WIPF1: variants seen among roughly 807,000 people sequenced by gnomAD.
The protein encoded by WIPF1 is WAS/WASL-interacting protein family member 1.
Under a neutral mutation model 35.4 loss-of-function variants are expected in WIPF1, and 13 were observed. The observed-to-expected ratio is 0.37, with a 90% CI of 0.24 to 0.58. The LOEUF (loss-of-function observed/expected upper bound fraction) is 0.58. Among genes scored for constraint, WIPF1 ranks in the 20% least tolerant of loss-of-function variants. WIPF1 has a pLI of 0.74. For synonymous variants in WIPF1, 267 were observed against 266.3 expected, an observed-to-expected ratio of 1.00 and a Z score of -0.02; for missense variants, 591 against 667.0, an observed-to-expected ratio of 0.89 and a Z score of 1.25.
chr2:174,610,485 G>T lies in WIPF1; in HGVS notation c.-38-24874C>A, dbSNP rs73026166. ...GGAATAACAAACCACAAAAATTTGGGGTATAAAAACCACATGTGGTTTATG... is the reference window on the plus strand; with the variant it reads ...GGAATAACAAACCACAAAAATTTGGTGTATAAAAACCACATGTGGTTTATG... On this transcript the variant is annotated intron_variant, in intron 1 of 8. Transcript: ENST00000272746. Among the ~76,000 whole-genome samples the T allele has an allele frequency of 7.1e-3, 1,085 of 151,952 alleles. 28 individuals carry two copies. Among genetic ancestry groups the T allele is most frequent in the African/African-American group, 0.025 (1,032 of 41,394 alleles).
upstream of WIPF1, among the ~76,000 whole-genome samples, chr2:174,600,042 T>C (rs1469441471): frequency 2.0e-5 from 3 of 152,214 alleles, no homozygotes; most frequent in African/African-American, 4.8e-5. Flanking sequence ...CAGTTCACTT[T>C]AGGATTCTTG....
chr2:174,585,261 C>T (rs538570565), intron 2 of WIPF1, among the ~76,000 whole-genome samples: 1 of 152,172 alleles, frequency 6.6e-6, no homozygotes, highest in Non-Finnish European at 1.5e-5. Context: ...CATGTCCCTG[C>T]GCAGATGCGG....
At position 174,581,514 on chromosome 2, in the gene WIPF1, G is replaced by T. The variant is rs529859749; in HGVS notation, c.52-75C>A. ...GCATTGTAACACTCGGCTGGGAAAGGTTGGGTACGGGAAGCTTGTTGTTAA... is the reference window on the plus strand; with the variant it reads ...GCATTGTAACACTCGGCTGGGAAAGTTTGGGTACGGGAAGCTTGTTGTTAA... On this transcript the variant is annotated intron_variant, in intron 2 of 7. Transcript: ENST00000679041. The T allele has an allele frequency of 7.0e-5, 110 of 1,566,272 alleles. 2 individuals are homozygous for T. The highest frequency in any genetic ancestry group is 4.7e-4 in the South Asian group (40 of 84,650).
intron 1 of WIPF1, among the ~76,000 whole-genome samples, chr2:174,641,171 T>G (rs1687285954): frequency 6.6e-6 from 1 of 152,188 alleles, no homozygotes; most frequent in South Asian, 2.1e-4. Flanking sequence ...CAATAAATGG[T>G]GCTGGGAACA....
intron 4 of WIPF1, among the ~76,000 whole-genome samples, chr2:174,573,891 CTTTT>C (rs564081857): frequency 3.6e-5 from 5 of 138,878 alleles, no homozygotes; most frequent in Non-Finnish European, 3.2e-5. Context: ...CTTTCTTCTT[CTTTT>C]TTTTTTTTTT....
At chr2:174,612,578 G>GTT (rs71024820) in intron 1 of WIPF1, among the ~76,000 whole-genome samples, 47,821 of 149,810 alleles carry the variant, frequency 0.32, 7,973 homozygotes, top group Middle Eastern at 0.42. Flanking sequence ...GACATGAACA[G>GTT]TTTTTTTTTA....
chr2:174,581,279 T>C (rs1179280808), intron 3 of WIPF1, 31 bp downstream of exon 3: 1 of 1,612,266 alleles, frequency 6.2e-7, no homozygotes, highest in Non-Finnish European at 8.5e-7. Context: ...AAACTGTTCC[T>C]CTCCATGGTA....
rs1250815517 is a variant in WIPF1 at position 174,594,742 on chromosome 2, A to G, written c.-39+2859T>C. ...ATACACACACAGCATATATGTCAGC[A>G]CACTTGATATATACTGTATTCATTT... On this transcript the variant is annotated intron_variant, in intron 1 of 7. Coordinates refer to ENST00000679041, the MANE Select transcript of WIPF1 (RefSeq NM_001375834.1). Among the ~76,000 whole-genome samples the G allele has an allele frequency of 2.1e-5, 2 of 95,586 alleles. 1 individual carries two copies. The highest frequency in any genetic ancestry group is 5.0e-5 in the Non-Finnish European group (2 of 39,786). The allele number at this position is 95,586 out of a possible 152,430, so 62.7% of individuals were successfully genotyped here. A position where few individuals can be genotyped will look rare whatever the true frequency, so the allele number is the denominator to read the frequency against.
Position 174,575,304 on chromosome 2 carries a change from G to A in WIPF1, c.258C>T (p.Gly86=), listed in dbSNP as rs781522403. The A allele has an allele frequency of 2.0e-5, 33 of 1,613,022 alleles. No homozygotes were observed. The highest frequency in any genetic ancestry group is 3.3e-5 in the Admixed American group (2 of 59,904). ...CCCCTCCAAAACTTCCACCGCCTCC[G>A]CCACCACCTCCTCCGCCAAATCCGC... is the stretch of plus-strand genomic sequence containing the variant. ...GGGGFGGGGG[G]GGGGSFGGGG... Residue 86 remains glycine (G), a synonymous_variant, in exon 4 of 8, where the codon GGC becomes GGT. Transcript: ENST00000679041.
intron 1 of WIPF1, among the ~76,000 whole-genome samples, chr2:174,592,150 G>T (rs1252167485): frequency 2.0e-5 from 3 of 152,156 alleles, no homozygotes; most frequent in African/African-American, 7.2e-5. Flanking sequence ...CTGTTTCTTA[G>T]TTTCATAGCC....
rs769734356 is a variant in WIPF1 at position 174,572,435 on chromosome 2, T to A, written c.370A>T (p.Ser124Cys). The change falls in exon 5 of 8, where the codon AGC (serine) becomes TGC (cysteine). Residue 124 changes from serine (S) to cysteine (C), a missense_variant. Around this residue, in one of 3 missense-constraint regions of WIPF1, gnomAD observed 471 missense variants for 501.1 expected, o/e 0.94. Coordinates refer to ENST00000679041, the MANE Select transcript of WIPF1 (RefSeq NM_001375834.1). ...TANRDNDSGG[S>C]RPPLLPPGGR... ...CCCGGTGGCAACAATGGTGGTCGGC[T>A]TCCTCCAGAATCTGAAGAACAGGAA... 4 of 1,614,014 alleles carry A rather than the reference T, an allele frequency of 2.5e-6. No homozygotes were observed. The African/African-American group carries it at 4.0e-5, about 16-fold the overall frequency.
chr2:174,567,117 T>A lies in WIPF1; in HGVS notation c.1409A>T (p.Gln470Leu). The change falls in exon 7 of 8, where the codon CAA becomes CTA. Residue 470 changes from glutamine (Q) to leucine (L), a missense_variant. Gln to Leu is a moderately radical substitution (Grantham distance 113, BLOSUM62 -2). This residue lies in a region of WIPF1 where 117 missense variants were observed against 149.6 expected (regional missense o/e 0.78). Transcript: ENST00000679041. The stretch of plus-strand genomic sequence containing the variant: ...TTTGCTGGGATAACTTTTGGTCGTT[T>A]GTACATATGGCTCTGGAGGTGGCAA... ...SDLPPPEPYVQTTKSYPSKLA... is the reference protein window; with the variant it reads ...SDLPPPEPYVLTTKSYPSKLA... 6.2e-7 allele frequency: 1 copy of A among 1,614,240 alleles called. No homozygotes were observed. Among genetic ancestry groups the A allele is most frequent in the South Asian group, 1.1e-5 (1 of 91,088 alleles).
chr2:174,677,957 G>A (rs1044901901), intron 1 of WIPF1, among the ~76,000 whole-genome samples: 4 of 152,162 alleles, frequency 2.6e-5, no homozygotes, highest in African/African-American at 9.7e-5. Context: ...GTGGGACCTT[G>A]GGCAAGTTAC....
In WIPF1 at chr2:174,585,567, C is replaced by T; in HGVS notation, c.7G>A (p.Val3Ile). 6.2e-7 allele frequency: 1 copy of T among 1,611,952 alleles called. No homozygotes were observed. The highest frequency in any genetic ancestry group is 1.7e-5 in the Admixed American group (1 of 59,236). ...GGCGGGGGTGCTGGAGGGGGAGGGA[C>T]AGGCATCTTGGGCAGTTATGCGTTC... MP[V>I]PPPPAPPPPP... Residue 3 changes from valine to isoleucine, a missense_variant, in exon 2 of 8, where the codon GTC (valine) becomes ATC (isoleucine). By Grantham distance (29) the Val-to-Ile change is conservative (BLOSUM62 3). Transcript: ENST00000679041.
At position 174,641,819 on chromosome 2, in the gene WIPF1, T is replaced by A. The variant is rs1687300112; in HGVS notation, c.-39+40955A>T. Among the ~76,000 whole-genome samples, 5 of 152,260 alleles carry A rather than the reference T, an allele frequency of 3.3e-5. No individual in the cohort carries two copies. The South Asian group carries it at 1.0e-3, about 32-fold the overall frequency. On this transcript the variant is annotated intron_variant, in intron 1 of 8. Coordinates refer to the WIPF1 transcript ENST00000272746. ...CCACATGCTTTGACATTGAGCTGAGTGCTTTATATACATATTTTCATTTAA... is the reference window on the plus strand; with the variant it reads ...CCACATGCTTTGACATTGAGCTGAGAGCTTTATATACATATTTTCATTTAA...
intron 1 of WIPF1, among the ~76,000 whole-genome samples, chr2:174,653,757 A>G (rs187501020): frequency 0.01 from 1,539 of 151,728 alleles, 40 homozygotes; most frequent in African/African-American, 0.035. Context: ...AAAAAAAAAA[A>G]AAAAAGAAAC....
At chr2:174,613,955 T>G (rs1686430699) in intron 1 of WIPF1, among the ~76,000 whole-genome samples, 1 of 152,200 alleles carries the variant, frequency 6.6e-6, no homozygotes, top group Non-Finnish European at 1.5e-5. Context: ...TATCTAAAAC[T>G]CATTTTCAGA....
chr2:174,673,829 A>AG (rs1688072309), intron 1 of WIPF1: 1 of 151,948 alleles, frequency 6.6e-6, no homozygotes. Context: ...AATATTAAAA[A>AG]AAAAAAAAAA....
chr2:174,588,517 G>A (rs979806782), intron 1 of WIPF1, among the ~76,000 whole-genome samples: 2 of 152,136 alleles, frequency 1.3e-5, no homozygotes, highest in South Asian at 2.1e-4. Flanking sequence ...ACCCTGAAAG[G>A]CCTCCTTAAT....
Sources: allele counts gnomAD v4.1 joint callset (sites outside exome capture counted in the v4.1 genomes callset), GRCh38; gene constraint gnomAD v4.1.1; regional missense constraint gnomAD v4.1.1; transcripts MANE v1.5; gene names NCBI Gene and HGNC (gene_info 2026-07-23, HGNC 2026-07-21).